The following GDF1 variants were observed in gnomAD, a reference collection of about 807,000 sequenced individuals.
The protein encoded by GDF1 is growth differentiation factor 1.
A neutral mutation model predicts 7.4 loss-of-function variants in GDF1; 8 were observed. The ratio of observed to expected loss-of-function variants is 1.09; its 90% CI spans 0.64 to 1.96. The LOEUF is 1.96. GDF1 is among the 30% of genes most tolerant of loss of function. The pLI is 0.00. For missense variants in GDF1, 574 were observed against 551.5 expected (o/e 1.04, Z -0.41); for synonymous variants, 311 against 276.7 (o/e 1.12, Z -1.23).
At chr19:18,892,560 G>A (rs1399596869) in intron 2 of GDF1, among the ~76,000 whole-genome samples, 1 of 152,050 alleles carries the variant, frequency 6.6e-6, no homozygotes, top group Non-Finnish European at 1.5e-5. Flanking sequence ...CTCACAGTGA[G>A]CCGAGATCGC....
intron 2 of GDF1, among the ~76,000 whole-genome samples, chr19:18,884,790 T>G (rs1187290973): frequency 7.5e-6 from 1 of 134,216 alleles, no homozygotes; most frequent in Non-Finnish European, 1.5e-5. Flanking sequence ...CTCAGCTCAC[T>G]GCAACCTCCA....
Position 18,869,999 on chromosome 19 carries a change from GC to G in GDF1, c.308del (p.Arg103ProfsTer63). On this transcript the variant is annotated frameshift_variant, in exon 7 of 8. Transcript: ENST00000247005. LOFTEE classifies it low-confidence loss of function (END_TRUNC). ...EELGVAGNIV[R>X]HIPDRGAPTR... ...CCCACTCACCGCGGTCCGGGATGTG[GC>G]GCACGATGTTTCCGGCGACCCCCAG... 1 of 1,595,680 alleles carries G rather than the reference GC, an allele frequency of 6.3e-7. No homozygotes were observed. The highest frequency in any genetic ancestry group is 1.1e-5 in the South Asian group (1 of 88,114).
At position 18,868,794 on chromosome 19, in the gene GDF1, C is replaced by T. The variant is rs1334953984; in HGVS notation, c.922G>A (p.Gly308Arg). Residue 308 changes from glycine (G) to arginine (R), a missense_variant, in exon 8 of 8, where the codon GGG (glycine) becomes AGG (arginine). Physicochemically the swap from Gly to Arg is moderately radical, Grantham distance 125. Coordinates refer to ENST00000247005, the MANE Select transcript of GDF1 (RefSeq NM_001492.6). ...TTGAGCGCCGGCGGCCCCCCGGACCCCGACAGCGCGACGGGCAGCGCGCAC... is the reference window on the plus strand; with the variant it reads ...TTGAGCGCCGGCGGCCCCCCGGACCTCGACAGCGCGACGGGCAGCGCGCAC... ...GQCALPVALS[G>R]SGGPPALNHA... 1.4e-6 allele frequency: 2 copies of T among 1,459,892 alleles called. No individual in the cohort carries two copies. The highest frequency in any genetic ancestry group is 3.0e-5 in the African/African-American group (2 of 66,876). 90.4% of individuals were successfully genotyped at this position (1,459,892 alleles called of 1,614,324 possible).
rs1038592004 is a variant in GDF1 at position 18,893,567 on chromosome 19, C to T, written c.-1065G>A. 26 of 1,608,060 alleles carry T rather than the reference C, an allele frequency of 1.6e-5. No individual in the cohort carries two copies. In the African/African-American group the frequency reaches 2.0e-4, roughly 12 times the overall value. On this transcript the variant is annotated 5_prime_UTR_variant, in exon 2 of 8. Transcript: ENST00000247005. ...CTCTGGGCTGGAGGCAGCACCGCTT[C>T]GCCAGGGGCTATGGGGGAGAAGACA...
In GDF1 at chr19:18,870,035, G is replaced by T; in HGVS notation, c.273C>A (p.His91Gln). Residue 91 changes from histidine to glutamine, a missense_variant, in exon 7 of 8, where the codon CAC becomes CAA. By Grantham distance (24) the His-to-Gln change is conservative (BLOSUM62 0). Transcript: ENST00000247005. The surrounding 1 kb of genome is among the most constrained non-coding windows in gnomAD (Gnocchi z 5.1). The stretch of plus-strand genomic sequence containing the variant: ...TTCCGGCGACCCCCAGCTCCTCCAC[G>T]TGGCACGGTTGCAGGGTGACCCCTG... ...TSPGVTLQPC[H>Q]VEELGVAGNI... The T allele has an allele frequency of 6.3e-7, 1 of 1,597,160 alleles. No individual in the cohort carries two copies.
rs544563624 is a variant in GDF1, at chr19:18,870,547, G to A, written c.-240C>T. The A allele has an allele frequency of 3.5e-5, 4 of 114,390 alleles. No homozygotes were observed. Among genetic ancestry groups the A allele is most frequent in the African/African-American group, 2.0e-4 (4 of 20,366 alleles). The allele number at this position is 114,390 out of a possible 1,614,324, so 7.1% of individuals were successfully genotyped here. ...GCGTGGCCGGGGTATTCGGGGTGGG[G>A]CCGGGTCCACGGGGGCGGGGCCGAG... On this transcript the variant is annotated 5_prime_UTR_variant, in exon 7 of 8. Transcript: ENST00000247005. The surrounding 1 kb of genome is among the most constrained non-coding windows in gnomAD (Gnocchi z 5.1).
intron 6 of GDF1, among the ~76,000 whole-genome samples, chr19:18,874,820 TGG>T (rs1254300361): frequency 6.6e-6 from 1 of 151,988 alleles, no homozygotes; most frequent in African/African-American, 2.4e-5. Flanking sequence ...GAAGCAGCAA[TGG>T]GGTGAGATGG....
At position 18,869,000 on chromosome 19, in the gene GDF1, G is replaced by A; in HGVS notation, c.716C>T (p.Thr239Ile). Residue 239 changes from threonine (T) to isoleucine (I), a missense_variant, in exon 8 of 8, where the codon ACC becomes ATC. By Grantham distance (89) the Thr-to-Ile change is moderately conservative. Coordinates refer to ENST00000247005, the MANE Select transcript of GDF1 (RefSeq NM_001492.6). Reference protein sequence around the residue: ...RLAEASLLLVTLDPRLCHPLA... With the variant: ...RLAEASLLLVILDPRLCHPLA... ...GGGGTGGCACAGGCGCGGGTCGAGG[G>A]TCACCAGCAGCAGCGAGGCCTCGGC... 1 of 1,102,524 alleles carries A rather than the reference G, an allele frequency of 9.1e-7. No individual in the cohort carries two copies. The highest frequency in any genetic ancestry group is 1.1e-6 in the Non-Finnish European group (1 of 905,970). 68.3% of individuals were successfully genotyped at this position (1,102,524 alleles called of 1,614,324 possible).
In GDF1 at chr19:18,870,427, T is replaced by G. The variant is rs1601147257; in HGVS notation, c.-120A>C. On this transcript the variant is annotated 5_prime_UTR_variant, in exon 7 of 8. Coordinates refer to ENST00000247005, the MANE Select transcript of GDF1 (RefSeq NM_001492.6). The surrounding 1 kb of genome is among the most constrained non-coding windows in gnomAD (Gnocchi z 5.1). ...GGTCCTGGGGGGCGTGGCCGGGAAC[T>G]GGAGGCAGGATGAGGGGGCGGGGTC... The G allele has an allele frequency of 3.8e-5, 32 of 849,154 alleles. No homozygotes were observed. Among genetic ancestry groups the G allele is most frequent in the South Asian group, 7.7e-5 (4 of 52,210 alleles). 52.6% of individuals were successfully genotyped at this position (849,154 alleles called of 1,614,324 possible).
intron 4 of GDF1, among the ~76,000 whole-genome samples, chr19:18,879,701 C>T (rs557065111): frequency 6.9e-6 from 1 of 144,600 alleles, no homozygotes; most frequent in African/African-American, 2.6e-5. Context: ...CCAAACCCCA[C>T]CTCCTTCCCT....
chr19:18,872,712 T>TC (rs2055996140), intron 6 of GDF1, among the ~76,000 whole-genome samples: 1 of 152,076 alleles, frequency 6.6e-6, no homozygotes, highest in Non-Finnish European at 1.5e-5. Flanking sequence ...GATGCGGTTT[T>TC]ACCATGTTGG....
At position 18,869,058 on chromosome 19, in the gene GDF1, G is replaced by T. The variant is rs1037827220; in HGVS notation, c.658C>A (p.Arg220Ser). The T allele has an allele frequency of 1.8e-4, 188 of 1,061,632 alleles. No homozygotes were observed. Among genetic ancestry groups the T allele is most frequent in the Non-Finnish European group, 2.0e-4 (179 of 880,238 alleles). 65.8% of individuals were successfully genotyped at this position (1,061,632 alleles called of 1,614,324 possible). The change falls in exon 8 of 8, where the codon CGC becomes AGC. Residue 220 changes from arginine to serine, a missense_variant. Transcript: ENST00000247005. Reference protein sequence around the residue: ...PRSLRLALALRPRAPAACARL... With the variant: ...PRSLRLALALSPRAPAACARL... ...GCGCAGGCGGCAGGGGCCCGGGGGC[G>T]TAGCGCCAGCGCCAGGCGGAGGCTG...
chr19:18,895,801 TC>T lies in GDF1; in HGVS notation c.-1074+22del. 8.4e-7 allele frequency: 1 copy of T among 1,195,066 alleles called. No homozygotes were observed. The highest frequency in any genetic ancestry group is 1.0e-6 in the Non-Finnish European group (1 of 954,152). The allele number at this position is 1,195,066 out of a possible 1,614,324, so 74.0% of individuals were successfully genotyped here. A position where few individuals can be genotyped will look rare whatever the true frequency, so the allele number is the denominator to read the frequency against. The stretch of plus-strand genomic sequence containing the variant: ...CTTCCCCCAGTCCGGGGTCCCCTCG[TC>T]CCGGCCCCCGGCCACACTGACCCGA... On this transcript the variant is annotated intron_variant, in intron 1 of 7. Transcript: ENST00000247005. This position sits in a 1 kb window ranked among gnomAD's most constrained non-coding sequence, Gnocchi z 6.4.
intron 3 of GDF1, 129 bp downstream of exon 3, chr19:18,883,958 C>G: frequency 9.8e-7 from 1 of 1,015,582 alleles, no homozygotes; most frequent in Non-Finnish European, 1.4e-6. Context: ...GCACTCTGAC[C>G]TTGGAACCCT....
At chr19:18,873,160 TGTTGACACTA>T (rs1165422047) in intron 6 of GDF1, among the ~76,000 whole-genome samples, 1 of 152,152 alleles carries the variant, frequency 6.6e-6, no homozygotes, top group Non-Finnish European at 1.5e-5. Flanking sequence ...GATAGACTAG[TGTTGACACTA>T]GTCTATCACT....
At chr19:18,876,358 TTTTC>T (rs769212710) in intron 6 of GDF1, among the ~76,000 whole-genome samples, 5 of 152,148 alleles carry the variant, frequency 3.3e-5, no homozygotes, top group South Asian at 2.1e-4. Flanking sequence ...GGTTTGTCTT[TTTTC>T]TTTGTTTTGA....
rs1158236535 is a variant in GDF1 at position 18,895,565 on chromosome 19, A to G, written c.-1074+259T>C. On this transcript the variant is annotated intron_variant, in intron 1 of 7. Coordinates refer to ENST00000247005, the MANE Select transcript of GDF1 (RefSeq NM_001492.6). The surrounding 1 kb of genome is among the most constrained non-coding windows in gnomAD (Gnocchi z 6.4). ...GCCCCCCATGTCCCAGACTCACCCC[A>G]GCCCGGCCACACCCCCGCATCTACC... is the stretch of plus-strand genomic sequence containing the variant. 1.3e-5 allele frequency among the ~76,000 whole-genome samples: 2 copies of G among 148,302 alleles called. No homozygotes were observed. Among genetic ancestry groups the G allele is most frequent in the Non-Finnish European group, 3.0e-5 (2 of 66,956 alleles).
intron 2 of GDF1, among the ~76,000 whole-genome samples, chr19:18,888,889 CTTTTTTTTTTTT>C (rs756124590): frequency 8.1e-6 from 1 of 122,926 alleles, no homozygotes; most frequent in African/African-American, 3.1e-5. Flanking sequence ...TTCTTTCTTT[CTTTTTTTTTTTT>C]TTTTTTTTGA....
chr19:18,872,764 C>T (rs549971058), intron 6 of GDF1, among the ~76,000 whole-genome samples: 1 of 151,780 alleles, frequency 6.6e-6, no homozygotes, highest in Admixed American at 6.6e-5. Context: ...GATCCACCCG[C>T]CTCAGCCTCC....
Sources: allele counts gnomAD v4.1 joint callset (sites outside exome capture counted in the v4.1 genomes callset), GRCh38; gene constraint gnomAD v4.1.1; non-coding constraint Gnocchi (gnomAD v3.1); transcripts MANE v1.5; gene names NCBI Gene and HGNC (gene_info 2026-07-23, HGNC 2026-07-21).